Variants in CAMK2G observed in about 807,000 individuals in gnomAD.
The protein encoded by CAMK2G is calcium/calmodulin-dependent protein kinase type II subunit gamma.
Under a neutral mutation model 88.7 loss-of-function variants are expected in CAMK2G, and 23 were observed. That is an observed-to-expected ratio of 0.26 (90% CI 0.19 to 0.37). CAMK2G has a LOEUF of 0.37. Ranked by LOEUF, CAMK2G falls within the 10% of genes least tolerant of loss-of-function variation. The probability of loss-of-function intolerance (pLI) is 1.00; values close to 1 mark genes in which losing one functional copy is unlikely to be tolerated. For synonymous variants in CAMK2G, 263 were observed against 294.8 expected, an observed-to-expected ratio of 0.89 and a Z score of 1.11; for missense variants, 476 against 780.8, an observed-to-expected ratio of 0.61 and a Z score of 4.65.
chr10:73,842,095 G>A lies in CAMK2G; in HGVS notation c.946+74C>T. ...CAGGACGCCGAGGAAACCCAGCGGTGCCCGGGATGGCAACAGCCCATTCCT... is the reference window on the plus strand; with the variant it reads ...CAGGACGCCGAGGAAACCCAGCGGTACCCGGGATGGCAACAGCCCATTCCT... On this transcript the variant is annotated intron_variant, in intron 12 of 22. Transcript: ENST00000423381. The surrounding 1 kb of genome is among the most constrained non-coding windows in gnomAD (Gnocchi z 4.6). 8.2e-7 allele frequency: 1 copy of A among 1,218,262 alleles called. No individual in the cohort carries two copies. The highest frequency in any genetic ancestry group is 1.7e-5 in the Admixed American group (1 of 59,500). 75.5% of individuals were successfully genotyped at this position (1,218,262 alleles called of 1,614,324 possible).
At chr10:73,849,215 G>A (rs146264320) in intron 6 of CAMK2G, 46 bp downstream of exon 6, 83 of 1,580,204 alleles carry the variant, frequency 5.3e-5, no homozygotes, top group East Asian at 4.7e-4. Flanking sequence ...ACCAGGTGGC[G>A]CCAACACTTC....
Position 73,824,099 on chromosome 10 carries a change from G to T in CAMK2G, c.1156-15C>A, listed in dbSNP as rs1412754798. 5 of 1,608,922 alleles carry T rather than the reference G, an allele frequency of 3.1e-6. No individual in the cohort carries two copies. In the Admixed American group the frequency reaches 6.7e-5, roughly 21 times the overall value. ...GTTTGTGGCTCCTGTGAGAGAAGAT[G>T]AAGATTACCCTTCCGACTTGGGGAC... On this transcript the variant is annotated splice_polypyrimidine_tract_variant and intron_variant, in intron 16 of 22. Coordinates refer to ENST00000423381, the MANE Select transcript of CAMK2G (RefSeq NM_001367534.1).
chr10:73,871,845 G>A (rs545061516), intron 2 of CAMK2G, among the ~76,000 whole-genome samples: 53 of 152,320 alleles, frequency 3.5e-4, no homozygotes, highest in Admixed American at 5.9e-4. Flanking sequence ...CTGCTAAACA[G>A]GTCCCAGAAC....
intron 2 of CAMK2G, among the ~76,000 whole-genome samples, chr10:73,872,059 G>A (rs2095851526): frequency 6.6e-6 from 1 of 152,118 alleles, no homozygotes; most frequent in Non-Finnish European, 1.5e-5. Context: ...CACAACCTTT[G>A]TCCCCCAGCT....
At chr10:73,869,983 G>A (rs1280397788) in intron 2 of CAMK2G, among the ~76,000 whole-genome samples, 4 of 152,174 alleles carry the variant, frequency 2.6e-5, no homozygotes, top group Non-Finnish European at 5.9e-5. Context: ...CCCTTCAACT[G>A]TAGTAATATG....
At chr10:73,814,705 A>G in intron 22 of CAMK2G, 200 bp from the exon 23 acceptor site, 1 of 372,980 alleles carries the variant, frequency 2.7e-6, no homozygotes, top group East Asian at 4.5e-5. Flanking sequence ...ATCTTACTTA[A>G]TCCTCACAAT....
intron 5 of CAMK2G, among the ~76,000 whole-genome samples, chr10:73,850,857 T>G (rs186335497): frequency 2.0e-5 from 3 of 151,460 alleles, no homozygotes; most frequent in East Asian, 3.9e-4. Flanking sequence ...TAGAGGCGAG[T>G]CTCCACAGAG....
chr10:73,860,687 C>A (rs1003476485), intron 3 of CAMK2G, 143 bp downstream of exon 3: 3 of 683,858 alleles, frequency 4.4e-6, no homozygotes, highest in Non-Finnish European at 7.9e-6. Flanking sequence ...AATTCTGAGA[C>A]ACAGTTGCTA....
chr10:73,857,512 C>G (rs2095125349), intron 3 of CAMK2G, among the ~76,000 whole-genome samples: 1 of 152,194 alleles, frequency 6.6e-6, no homozygotes, highest in South Asian at 2.1e-4. Flanking sequence ...GCATGAGCAT[C>G]AGCTGGAGAC....
intron 2 of CAMK2G, among the ~76,000 whole-genome samples, chr10:73,867,187 C>T (rs2095626135): frequency 6.6e-6 from 1 of 152,206 alleles, no homozygotes; most frequent in East Asian, 1.9e-4. Flanking sequence ...AACTTGGTGA[C>T]ACAAAGACCT....
chr10:73,823,644 G>GTGA (rs1412385770), intron 17 of CAMK2G, among the ~76,000 whole-genome samples: 1 of 152,198 alleles, frequency 6.6e-6, no homozygotes, highest in Non-Finnish European at 1.5e-5. Flanking sequence ...AGATGTTCAG[G>GTGA]AATGCTGGTG....
At chr10:73,864,591 A>G (rs1222291099) in intron 2 of CAMK2G, among the ~76,000 whole-genome samples, 12 of 152,214 alleles carry the variant, frequency 7.9e-5, no homozygotes, top group Admixed American at 7.2e-4. Context: ...TAGGTGAGAC[A>G]GTGAGCCAGG....
At chr10:73,860,440 AGGTCCACAAACAAAATCC>A (rs1260860882) in intron 3 of CAMK2G, among the ~76,000 whole-genome samples, 1 of 152,134 alleles carries the variant, frequency 6.6e-6, no homozygotes, top group Non-Finnish European at 1.5e-5. Flanking sequence ...AAACTCTTTC[AGGTCCACAAACAAAATCC>A]TGACCCTTGC....
At position 73,855,944 on chromosome 10, in the gene CAMK2G, C is replaced by CT. The variant is rs567727436; in HGVS notation, c.221-2699dup. On this transcript the variant is annotated intron_variant, in intron 3 of 22. Transcript: ENST00000423381. ...TTTAGCAACAGCAGATTCATTATTT[C>CT]TTTTTTTTTTTAAGAGACAGGGTCT... Among the ~76,000 whole-genome samples, 1,097 of 147,238 alleles carry CT rather than the reference C, an allele frequency of 7.5e-3. 6 individuals are homozygous for CT. The highest frequency in any genetic ancestry group is 0.014 in the South Asian group (66 of 4,624).
chr10:73,815,883 T>C (rs1404364298), intron 21 of CAMK2G: 5 of 985,292 alleles, frequency 5.1e-6, no homozygotes, highest in Non-Finnish European at 6.0e-6. Flanking sequence ...GAAAACTGTG[T>C]TGCTTTTATT....
intron 10 of CAMK2G, among the ~76,000 whole-genome samples, chr10:73,845,868 T>G (rs552099657): frequency 8.6e-4 from 130 of 151,624 alleles, no homozygotes; most frequent in African/African-American, 3.0e-3. Context: ...GCTCTCTGTC[T>G]CCAGCCCTTT....
Position 73,860,903 on chromosome 10 carries a change from A to G in CAMK2G, c.161-14T>C. On this transcript the variant is annotated splice_polypyrimidine_tract_variant and intron_variant, in intron 2 of 22. Transcript: ENST00000423381. Reference sequence around the variant, plus strand: ...GTTTCTGGTGATCTAAAAGCAGAAGAGAAAAAACAAAAGCCATCAACCATC... The same window carrying G: ...GTTTCTGGTGATCTAAAAGCAGAAGGGAAAAAACAAAAGCCATCAACCATC... 6.2e-7 allele frequency: 1 copy of G among 1,608,120 alleles called. No individual in the cohort carries two copies. The highest frequency in any genetic ancestry group is 1.1e-5 in the South Asian group (1 of 90,934).
In CAMK2G at chr10:73,828,074, G is replaced by A. The variant is rs200342896; in HGVS notation, c.1086+15C>T. On this transcript the variant is annotated intron_variant, in intron 15 of 22. Coordinates refer to ENST00000423381, the MANE Select transcript of CAMK2G (RefSeq NM_001367534.1). Reference sequence around the variant, plus strand: ...GCAGCATGGAGTGGGCGATGGGTGGGCAGGCAAGGCTCACCATTAGGTGCA... The same window carrying A: ...GCAGCATGGAGTGGGCGATGGGTGGACAGGCAAGGCTCACCATTAGGTGCA... The A allele has an allele frequency of 2.0e-4, 321 of 1,610,324 alleles. 1 individual carries two copies. Among genetic ancestry groups the A allele is most frequent in the Middle Eastern group, 1.7e-3 (10 of 5,994 alleles).
Position 73,842,283 on chromosome 10 carries a change from A to G in CAMK2G, c.904-72T>C. On this transcript the variant is annotated intron_variant, in intron 11 of 22. Coordinates refer to ENST00000423381, the MANE Select transcript of CAMK2G (RefSeq NM_001367534.1). The surrounding 1 kb of genome is among the most constrained non-coding windows in gnomAD (Gnocchi z 4.6). ...GGGCAGGCTGGTCTCAGGCAAAGGC[A>G]GGTCCTGGCTAGAGCCTGAAGACAT... 7.4e-7 allele frequency: 1 copy of G among 1,353,146 alleles called. No individual in the cohort carries two copies. The highest frequency in any genetic ancestry group is 1.1e-6 in the Non-Finnish European group (1 of 941,738). The allele number at this position is 1,353,146 out of a possible 1,614,324, so 83.8% of individuals were successfully genotyped here.
Sources: allele counts gnomAD v4.1 joint callset (sites outside exome capture counted in the v4.1 genomes callset), GRCh38; gene constraint gnomAD v4.1.1; non-coding constraint Gnocchi (gnomAD v3.1); transcripts MANE v1.5; gene names NCBI Gene and HGNC (gene_info 2026-07-23, HGNC 2026-07-21).